LRCH3: variants seen among roughly 807,000 people sequenced by gnomAD.
The protein encoded by LRCH3 is leucine rich repeats and calponin homology domain containing 3.
LRCH3 carries 68 observed loss-of-function variants against 104.5 expected under a neutral mutation model. The ratio of observed to expected loss-of-function variants is 0.65; its 90% CI spans 0.54 to 0.80. LRCH3 has a LOEUF of 0.80. Ranked by LOEUF, LRCH3 falls within the 30% of genes least tolerant of loss-of-function variation. The probability of loss-of-function intolerance (pLI) is 0.00; values close to 1 mark genes in which losing one functional copy is unlikely to be tolerated. For synonymous variants in LRCH3, 344 were observed against 361.3 expected (o/e 0.95, Z 0.54); for missense variants, 951 against 953.9 (o/e 1.00, Z 0.04).
At position 197,791,331 on chromosome 3, in the gene LRCH3, C is replaced by A; in HGVS notation, c.53C>A (p.Thr18Lys). 1 of 1,609,222 alleles carries A rather than the reference C, an allele frequency of 6.2e-7. No homozygotes were observed. ...AVAAAAEYSG[T>K]VASGGNLPGV... ...GCAGCGGCTGCCGAGTACTCTGGCA[C>A]GGTAGCGTCGGGAGGTAACCTCCCT... Residue 18 changes from threonine (T) to lysine (K), a missense_variant, in exon 1 of 21, where the codon ACG becomes AAG. By Grantham distance (78) the Thr-to-Lys change is moderately conservative. Transcript: ENST00000425562.
At chr3:197,808,382 G>T (rs1240515825) in intron 1 of LRCH3, among the ~76,000 whole-genome samples, 2 of 152,130 alleles carry the variant, frequency 1.3e-5, no homozygotes, top group Non-Finnish European at 2.9e-5. Context: ...TTTTATTGTG[G>T]CAGCTCTAGC....
At position 197,792,582 on chromosome 3, in the gene LRCH3, T is replaced by TATATATATATATATATATAAAATATAC. The variant is rs1580497655; in HGVS notation, c.262+1061_262+1062insAAATATACATATATATATATATATATA. On this transcript the variant is annotated intron_variant, in intron 1 of 20. Transcript: ENST00000425562. ...GCCACCACGCCCAGCTAATTTTATA[T>TATATATATATATATATATAAAATATAC]ATATATATATATATATATATATAAA... 4.0e-5 allele frequency among the ~76,000 whole-genome samples: 2 copies of TATATATATATATATATATAAAATATAC among 50,038 alleles called. 1 individual carries two copies. Among genetic ancestry groups the TATATATATATATATATATAAAATATAC allele is most frequent in the East Asian group, 2.2e-3 (2 of 922 alleles). 32.8% of individuals were successfully genotyped at this position (50,038 alleles called of 152,430 possible).
chr3:197,873,267 A>G (rs532919022), intron 19 of LRCH3, among the ~76,000 whole-genome samples: 3 of 152,206 alleles, frequency 2.0e-5, no homozygotes, highest in Non-Finnish European at 4.4e-5. Context: ...ATTTTGCCGC[A>G]CTTGCTTTAT....
chr3:197,857,275 C>G (rs1287639679), intron 14 of LRCH3, among the ~76,000 whole-genome samples: 2 of 150,328 alleles, frequency 1.3e-5, no homozygotes, highest in Non-Finnish European at 2.9e-5. Context: ...GGCTACCCCT[C>G]AAGCTCCTGT....
chr3:197,865,870 TC>T (rs1405477328), intron 16 of LRCH3, among the ~76,000 whole-genome samples: 1 of 152,150 alleles, frequency 6.6e-6, no homozygotes, highest in Non-Finnish European at 1.5e-5. Flanking sequence ...GGGAGACTGT[TC>T]AATATGATAA....
chr3:197,816,015 A>C (rs1166329625), intron 2 of LRCH3, among the ~76,000 whole-genome samples: 2 of 152,138 alleles, frequency 1.3e-5, no homozygotes, highest in Non-Finnish European at 2.9e-5. Flanking sequence ...GTTGAAAATA[A>C]ATTTTCCTCT....
At position 197,888,353 on chromosome 3, in the gene LRCH3, T is replaced by C. The variant is rs1256905023; in HGVS notation, c.*4687T>C. ...TCTAAGTATAAATATGTCAGTATCA[T>C]GTATGTTATTTTAAATTGCCTGTAC... On this transcript the variant is annotated 3_prime_UTR_variant, in exon 21 of 21. Coordinates refer to ENST00000425562, the MANE Select transcript of LRCH3 (RefSeq NM_001365715.1). The C allele has an allele frequency of 1.3e-5, 2 of 152,356 alleles. No homozygotes were observed. Among genetic ancestry groups the C allele is most frequent in the Middle Eastern group, 3.4e-3 (1 of 294 alleles). 9.4% of individuals were successfully genotyped at this position (152,356 alleles called of 1,614,324 possible).
chr3:197,874,877 T>C (rs1712682815), intron 19 of LRCH3, among the ~76,000 whole-genome samples: 1 of 152,036 alleles, frequency 6.6e-6, no homozygotes, highest in Non-Finnish European at 1.5e-5. Context: ...TTGCATATTG[T>C]CTATAGTTGC....
chr3:197,849,265 C>A, intron 12 of LRCH3, among the ~76,000 whole-genome samples: 1 of 104,158 alleles, frequency 9.6e-6, no homozygotes, highest in Non-Finnish European at 1.8e-5. Context: ...GAGACTCCAC[C>A]TCAAAAAAAA....
chr3:197,872,200 T>A (rs2109530206), intron 19 of LRCH3, among the ~76,000 whole-genome samples: 1 of 150,854 alleles, frequency 6.6e-6, no homozygotes, highest in East Asian at 2.0e-4. Context: ...CTACCAAAAA[T>A]ACAAAAATCA....
chr3:197,801,133 T>G (rs1411557578), intron 1 of LRCH3, among the ~76,000 whole-genome samples: 2 of 150,838 alleles, frequency 1.3e-5, no homozygotes, highest in African/African-American at 2.4e-5. Flanking sequence ...TATAACTATA[T>G]GCAGTTGCAG....
chr3:197,861,621 TA>T (rs1740893888), intron 15 of LRCH3, among the ~76,000 whole-genome samples: 1 of 152,238 alleles, frequency 6.6e-6, no homozygotes, highest in Non-Finnish European at 1.5e-5. Context: ...ATTTATTCTT[TA>T]TTTTTTTAGT....
intron 10 of LRCH3, among the ~76,000 whole-genome samples, chr3:197,845,931 GC>G (rs1432403328): frequency 6.6e-6 from 1 of 152,078 alleles, no homozygotes; most frequent in East Asian, 1.9e-4. Flanking sequence ...AAATTGAAAA[GC>G]ATTTTTAAAG....
Position 197,855,304 on chromosome 3 carries a change from T to C in LRCH3, c.1644+859T>C, listed in dbSNP as rs112041611. On this transcript the variant is annotated intron_variant, in intron 14 of 20. Transcript: ENST00000425562. ...AAAGCACCTTTTAACTGGGCGGTCT[T>C]ATAGGTGAATACAATCATCACACTC... 3.6e-3 allele frequency among the ~76,000 whole-genome samples: 542 copies of C among 152,332 alleles called. 6 individuals are homozygous for C. Among genetic ancestry groups the C allele is most frequent in the African/African-American group, 0.013 (520 of 41,562 alleles).
rs1355906810 is a variant in LRCH3 at position 197,839,397 on chromosome 3, G to C, written c.1328G>C (p.Arg443Thr). The change falls in exon 10 of 21, where the codon AGG becomes ACG. Residue 443 changes from arginine to threonine, a missense_variant and splice_region_variant. Coordinates refer to ENST00000425562, the MANE Select transcript of LRCH3 (RefSeq NM_001365715.1). ...ATGAGAAGATATTTACATCAAAACA[G>C]GTTTGAAAAACCAATTCTACTTAAT... Reference protein sequence around the residue: ...EDMRRYLHQNRVPAEPSSLLS... With the variant: ...EDMRRYLHQNTVPAEPSSLLS... The C allele has an allele frequency of 2.6e-6, 4 of 1,564,602 alleles. No individual in the cohort carries two copies. The highest frequency in any genetic ancestry group is 1.2e-5 in the South Asian group (1 of 84,870).
Position 197,834,879 on chromosome 3 carries a change from G to C in LRCH3, c.1103-795G>C, listed in dbSNP as rs917723717. Among the ~76,000 whole-genome samples, 19 of 152,252 alleles carry C rather than the reference G, an allele frequency of 1.2e-4. No individual in the cohort carries two copies. In the South Asian group the frequency reaches 2.5e-3, roughly 20 times the overall value. On this transcript the variant is annotated intron_variant, in intron 8 of 20. Transcript: ENST00000425562. ...CACTTGTGTGCCAGGCACGTTGGCTGATGCCTGTAATCCCAGCACTTTGGG... is the reference window on the plus strand; with the variant it reads ...CACTTGTGTGCCAGGCACGTTGGCTCATGCCTGTAATCCCAGCACTTTGGG...
intron 5 of LRCH3, among the ~76,000 whole-genome samples, chr3:197,828,029 A>G (rs1735435780): frequency 6.8e-6 from 1 of 147,336 alleles, no homozygotes; most frequent in Non-Finnish European, 1.5e-5. Flanking sequence ...GTGAGCTGAG[A>G]TGGCGCCACT....
chr3:197,848,085 G>T (rs1739021058), intron 12 of LRCH3, 64 bp downstream of exon 12: 1 of 1,560,308 alleles, frequency 6.4e-7, no homozygotes, highest in Non-Finnish European at 8.7e-7. Flanking sequence ...GTTTGGTCAG[G>T]CCCGTTGGTT....
At chr3:197,834,659 G>C (rs1192946598) in intron 8 of LRCH3, among the ~76,000 whole-genome samples, 1 of 152,150 alleles carries the variant, frequency 6.6e-6, no homozygotes, top group Non-Finnish European at 1.5e-5. Flanking sequence ...GCACCTTTCA[G>C]TCTTTAAAAA....
Sources: allele counts gnomAD v4.1 joint callset (sites outside exome capture counted in the v4.1 genomes callset), GRCh38; gene constraint gnomAD v4.1.1; transcripts MANE v1.5; gene names NCBI Gene and HGNC (gene_info 2026-07-23, HGNC 2026-07-21).